Variants in EPHA4 observed in about 807,000 individuals in gnomAD.
The protein encoded by EPHA4 is ephrin type-A receptor 4.
In EPHA4, 19 loss-of-function variants were observed where a neutral mutation model predicts 108.3. That is an observed-to-expected ratio of 0.18 (90% CI 0.12 to 0.26). EPHA4 has a LOEUF of 0.26. EPHA4 is among the 10% of genes least tolerant of loss of function. The pLI is 1.00. For missense variants in EPHA4, 917 were observed against 1,254.0 expected, an observed-to-expected ratio of 0.73 and a Z score of 4.06; for synonymous variants, 449 against 455.5, an observed-to-expected ratio of 0.99 and a Z score of 0.18.
intron 5 of EPHA4, among the ~76,000 whole-genome samples, chr2:221,476,690 T>C (rs564185770): frequency 2.0e-5 from 3 of 152,298 alleles, no homozygotes; most frequent in Admixed American, 2.0e-4. Context: ...ACCATTTTCT[T>C]GAAGCTTTCC....
chr2:221,497,063 G>T (rs571749187), intron 4 of EPHA4, among the ~76,000 whole-genome samples: 18 of 14,690 alleles, frequency 1.2e-3, no homozygotes, highest in Admixed American at 6.1e-3. Flanking sequence ...AATTATGCAC[G>T]CAAGGGTAAA....
intron 3 of EPHA4, among the ~76,000 whole-genome samples, chr2:221,521,196 G>T (rs1240858618): frequency 1.3e-5 from 2 of 152,172 alleles, no homozygotes; most frequent in African/African-American, 4.8e-5. Context: ...GAATGTCAAT[G>T]AACTAATTAT....
At chr2:221,493,233 T>TA (rs1051633247) in intron 4 of EPHA4, among the ~76,000 whole-genome samples, 63 of 152,230 alleles carry the variant, frequency 4.1e-4, no homozygotes, top group African/African-American at 9.9e-4. Context: ...TTCGGGTAGA[T>TA]AAAAAAATAT....
intron 5 of EPHA4, among the ~76,000 whole-genome samples, chr2:221,469,204 G>A (rs1307693476): frequency 1.3e-5 from 2 of 152,162 alleles, no homozygotes; most frequent in Non-Finnish European, 2.9e-5. Context: ...GGTACTCAGT[G>A]TTACATTTTC....
intron 3 of EPHA4, among the ~76,000 whole-genome samples, chr2:221,542,267 A>G (rs765102901): frequency 2.0e-5 from 3 of 152,242 alleles, no homozygotes; most frequent in Non-Finnish European, 2.9e-5. Flanking sequence ...TTAACTGGAT[A>G]ATTATTAATA....
chr2:221,454,666 A>C (rs1690886832), intron 8 of EPHA4, among the ~76,000 whole-genome samples: 2 of 152,326 alleles, frequency 1.3e-5, no homozygotes, highest in South Asian at 4.1e-4. Flanking sequence ...GAAGGCCCAG[A>C]TGTGGGGCAC....
intron 10 of EPHA4, 141 bp from the exon 11 acceptor site, chr2:221,443,155 G>T: frequency 1.2e-6 from 1 of 862,960 alleles, no homozygotes; most frequent in Non-Finnish European, 1.7e-6. Flanking sequence ...AATCCTCCAT[G>T]CAACCCTGAA....
At chr2:221,572,329 G>T, upstream of EPHA4, 1 of 1,324,680 alleles carries the variant, frequency 7.5e-7, no homozygotes. Context: ...GCGGGCTGAA[G>T]ACATTGCCAA....
At chr2:221,448,136 C>G (rs1265213570) in intron 8 of EPHA4, among the ~76,000 whole-genome samples, 1 of 151,992 alleles carries the variant, frequency 6.6e-6, no homozygotes, top group African/African-American at 2.4e-5. Context: ...ACCACCGCAC[C>G]CAGCCAGAAT....
At chr2:221,558,874 T>C (rs1694375659) in intron 3 of EPHA4, among the ~76,000 whole-genome samples, 1 of 152,242 alleles carries the variant, frequency 6.6e-6, no homozygotes, top group Non-Finnish European at 1.5e-5. Context: ...AGCAGCCATG[T>C]GATTCAAGCA....
intron 8 of EPHA4, among the ~76,000 whole-genome samples, chr2:221,452,264 C>T (rs1229626520): frequency 6.6e-6 from 1 of 152,232 alleles, no homozygotes; most frequent in African/African-American, 2.4e-5. Flanking sequence ...ACAAAGCAGC[C>T]CCATCGTCAA....
intron 4 of EPHA4, among the ~76,000 whole-genome samples, chr2:221,499,756 AT>A (rs575017779): frequency 2.0e-3 from 53 of 26,160 alleles, no homozygotes; most frequent in African/African-American, 6.3e-3. Flanking sequence ...ATATATATAT[AT>A]TTTTTTTTTT....
intron 3 of EPHA4, among the ~76,000 whole-genome samples, chr2:221,556,510 A>G (rs1475302062): frequency 6.7e-6 from 1 of 148,782 alleles, no homozygotes; most frequent in African/African-American, 2.5e-5. Context: ...TGGGGTTTCA[A>G]CATATTGGTC....
intron 6 of EPHA4, 100 bp downstream of exon 6, chr2:221,457,766 A>G (rs1691005605): frequency 3.8e-6 from 5 of 1,332,532 alleles, no homozygotes; most frequent in African/African-American, 1.5e-5. Context: ...GGAAGAAAAG[A>G]AGAGAGGGAG....
At chr2:221,459,902 C>A (rs527487706) in intron 5 of EPHA4, among the ~76,000 whole-genome samples, 2 of 152,142 alleles carry the variant, frequency 1.3e-5, no homozygotes, top group Non-Finnish European at 2.9e-5. Context: ...TTGGTCAGAT[C>A]CTGATAATCG....
Position 221,564,139 on chromosome 2 carries a change from C to G in EPHA4, c.415G>C (p.Glu139Gln). 1.2e-6 allele frequency: 2 copies of G among 1,614,178 alleles called. No individual in the cohort carries two copies. Among genetic ancestry groups the G allele is most frequent in the African/African-American group, 2.7e-5 (2 of 75,046 alleles). ...GTGTCAATTTTGACAAACTGGTTCT[C>G]TCTGATGAAACGCTCTTTGTCGTTG... ...SDNDKERFIR[E>Q]NQFVKIDTIA... is the part of the protein sequence containing the mutation. Residue 139 changes from glutamate (E) to glutamine (Q), a missense_variant, in exon 3 of 18, where the codon GAG (glutamate) becomes CAG (glutamine). Glu to Gln is a conservative substitution (Grantham distance 29). Transcript: ENST00000281821.
intron 8 of EPHA4, among the ~76,000 whole-genome samples, chr2:221,451,552 T>C (rs964124073): frequency 5.9e-5 from 9 of 152,086 alleles, no homozygotes; most frequent in African/African-American, 2.2e-4. Flanking sequence ...AGAGATTTGT[T>C]TGTGGTTTGA....
intron 3 of EPHA4, among the ~76,000 whole-genome samples, chr2:221,540,624 A>G (rs1368097083): frequency 6.6e-6 from 1 of 152,188 alleles, no homozygotes; most frequent in Non-Finnish European, 1.5e-5. Context: ...GTTGAATTGC[A>G]ATAACCTCAG....
At chr2:221,493,068 G>A (rs1201269369) in intron 4 of EPHA4, among the ~76,000 whole-genome samples, 1 of 152,076 alleles carries the variant, frequency 6.6e-6, no homozygotes, top group African/African-American at 2.4e-5. Flanking sequence ...TTTCATTTAC[G>A]ACACTTTGGG....
Sources: allele counts gnomAD v4.1 joint callset (sites outside exome capture counted in the v4.1 genomes callset), GRCh38; gene constraint gnomAD v4.1.1; transcripts MANE v1.5; gene names NCBI Gene and HGNC (gene_info 2026-07-23, HGNC 2026-07-21).